Variants in PRKCA observed in about 807,000 individuals in gnomAD.
PRKCA encodes protein kinase C alpha type.
Under a neutral mutation model 87.0 loss-of-function variants are expected in PRKCA, and 27 were observed. The ratio of observed to expected loss-of-function variants is 0.31; its 90% CI spans 0.23 to 0.43. The LOEUF (loss-of-function observed/expected upper bound fraction) is 0.43, where lower values mean the gene tolerates loss of function less well. Ranked by LOEUF, PRKCA falls within the 20% of genes least tolerant of loss-of-function variation. The pLI, the probability that PRKCA is intolerant of heterozygous loss-of-function variation, is 1.00. For missense variants in PRKCA, 518 were observed against 852.3 expected (o/e 0.61, Z 4.88); for synonymous variants, 329 against 311.1 (o/e 1.06, Z -0.61).
chr17:66,499,495 C>T (rs1916634000), intron 3 of PRKCA, among the ~76,000 whole-genome samples: 1 of 152,074 alleles, frequency 6.6e-6, no homozygotes. Flanking sequence ...TTGTTTATGC[C>T]CACCATGGAT....
chr17:66,759,736 ATAAAAGATATATCATGCTAATAC>A (rs1280989636), intron 13 of PRKCA, among the ~76,000 whole-genome samples: 1 of 152,244 alleles, frequency 6.6e-6, no homozygotes, highest in Admixed American at 6.5e-5. Context: ...GTAAGTGGAT[ATAAAAGATATATCATGCTAATAC>A]TAATCAAAGA....
intron 2 of PRKCA, among the ~76,000 whole-genome samples, chr17:66,337,016 C>T (rs1906739410): frequency 6.6e-6 from 1 of 152,148 alleles, no homozygotes; most frequent in Non-Finnish European, 1.5e-5. Flanking sequence ...GTCTGGAACT[C>T]CTGACCTTAG....
chr17:66,455,876 C>A lies in PRKCA; in HGVS notation c.206-40325C>A, dbSNP rs371331704. Among the ~76,000 whole-genome samples, 11 of 152,122 alleles carry A rather than the reference C, an allele frequency of 7.2e-5. No homozygotes were observed. In the East Asian group the frequency reaches 2.1e-3, roughly 29 times the overall value. On this transcript the variant is annotated intron_variant, in intron 2 of 16. Coordinates refer to ENST00000413366, the MANE Select transcript of PRKCA (RefSeq NM_002737.3). ...TGATTTCTCTCTGTACTGGGCTGAA[C>A]AATGTTCCCTCAAAATTCATGCTCG... is the stretch of plus-strand genomic sequence containing the variant.
At chr17:66,410,207 A>T (rs1215343604) in intron 2 of PRKCA, among the ~76,000 whole-genome samples, 2 of 149,072 alleles carry the variant, frequency 1.3e-5, no homozygotes, top group Non-Finnish European at 3.0e-5. Context: ...ACCAACAGAG[A>T]TTTTTTTTTT....
chr17:66,460,415 A>G (rs1914790881), intron 2 of PRKCA, among the ~76,000 whole-genome samples: 1 of 152,240 alleles, frequency 6.6e-6, no homozygotes, highest in Non-Finnish European at 1.5e-5. Flanking sequence ...CTTAATATCC[A>G]GGGTTGATAA....
chr17:66,419,984 C>T (rs1299983402), intron 2 of PRKCA, among the ~76,000 whole-genome samples: 2 of 151,358 alleles, frequency 1.3e-5, no homozygotes, highest in Non-Finnish European at 2.9e-5. Context: ...GTAAACAAAC[C>T]CCATTCTGGG....
intron 8 of PRKCA, among the ~76,000 whole-genome samples, chr17:66,715,933 T>C (rs561534656): frequency 6.6e-6 from 1 of 152,308 alleles, no homozygotes; most frequent in East Asian, 1.9e-4. Context: ...AAAGATTCCA[T>C]GACACCTGCA....
chr17:66,436,627 G>A (rs1177261395), intron 2 of PRKCA, among the ~76,000 whole-genome samples: 1 of 152,212 alleles, frequency 6.6e-6, no homozygotes, highest in South Asian at 2.1e-4. Context: ...GGTGGACGAT[G>A]AAAGTCTGAG....
chr17:66,600,955 C>T (rs1263221093), intron 3 of PRKCA, among the ~76,000 whole-genome samples: 1 of 79,956 alleles, frequency 1.3e-5, no homozygotes, highest in Non-Finnish European at 2.3e-5. Flanking sequence ...GAGAGATCCA[C>T]TGTTAGTCTG....
chr17:66,329,877 G>T (rs916896777), intron 2 of PRKCA, among the ~76,000 whole-genome samples: 2 of 152,124 alleles, frequency 1.3e-5, no homozygotes, highest in African/African-American at 4.8e-5. Flanking sequence ...GTCTTTGATC[G>T]AAATGTCGAT....
chr17:66,650,978 T>C (rs1050605728), intron 5 of PRKCA, among the ~76,000 whole-genome samples: 1 of 152,114 alleles, frequency 6.6e-6, no homozygotes, highest in Non-Finnish European at 1.5e-5. Context: ...TGTGTGGTCT[T>C]TGGGGGAGAA....
chr17:66,798,418 G>C (rs1211555264), intron 16 of PRKCA, among the ~76,000 whole-genome samples: 1 of 139,832 alleles, frequency 7.2e-6, no homozygotes, highest in Non-Finnish European at 1.6e-5. Context: ...TGGTGATGGT[G>C]GTGGTGGTGG....
intron 2 of PRKCA, among the ~76,000 whole-genome samples, chr17:66,383,427 A>C (rs1202655534): frequency 6.6e-6 from 1 of 152,020 alleles, no homozygotes; most frequent in Non-Finnish European, 1.5e-5. Flanking sequence ...GTCAATGGGC[A>C]AAAAGTAGTA....
chr17:66,767,360 G>A (rs989377665), intron 13 of PRKCA, among the ~76,000 whole-genome samples: 2 of 152,172 alleles, frequency 1.3e-5, no homozygotes, highest in African/African-American at 4.8e-5. Context: ...TGCTGGTACG[G>A]AGTGAAGACG....
chr17:66,380,672 A>G (rs1909727975), intron 2 of PRKCA, among the ~76,000 whole-genome samples: 1 of 152,174 alleles, frequency 6.6e-6, no homozygotes, highest in Admixed American at 6.6e-5. Context: ...TGAATAACTT[A>G]AGTCTAATAA....
chr17:66,540,739 T>C (rs1967957957), intron 3 of PRKCA, among the ~76,000 whole-genome samples: 1 of 152,250 alleles, frequency 6.6e-6, no homozygotes. Flanking sequence ...CTCTGTCACT[T>C]GTTTGAGTCT....
At chr17:66,791,179 C>T (rs1598947451) in intron 16 of PRKCA, among the ~76,000 whole-genome samples, 1 of 129,630 alleles carries the variant, frequency 7.7e-6, no homozygotes, top group African/African-American at 2.9e-5. Context: ...ACTGAATGCT[C>T]GTTAAAATTA....
intron 2 of PRKCA, among the ~76,000 whole-genome samples, chr17:66,396,778 G>A (rs768148600): frequency 1.3e-5 from 2 of 151,092 alleles, no homozygotes; most frequent in Admixed American, 1.3e-4. Context: ...ACAGGCACCC[G>A]CCACCATGCC....
chr17:66,727,466 G>A (rs1166454214), intron 8 of PRKCA, among the ~76,000 whole-genome samples: 2 of 152,124 alleles, frequency 1.3e-5, no homozygotes, highest in Non-Finnish European at 1.5e-5. Flanking sequence ...GTTAATGAGT[G>A]GACAGTGAGG....
Sources: gnomAD v4.1 joint callset for allele counts (sites outside exome capture counted in the v4.1 genomes callset) on GRCh38, gnomAD v4.1.1 for gene constraint, MANE v1.5 for transcripts, NCBI Gene and HGNC (gene_info 2026-07-23, HGNC 2026-07-21) for gene names.